The following TBC1D32 variants were observed in gnomAD, a reference collection of about 807,000 sequenced individuals.
TBC1D32 encodes the protein TBC1 domain family member 32.
TBC1D32 carries 151 observed loss-of-function variants against 170.3 expected under a neutral mutation model. That is an observed-to-expected ratio of 0.89 (90% CI 0.78 to 1.01). TBC1D32 has a LOEUF of 1.01. Among genes scored for constraint, TBC1D32 ranks in the 50% least tolerant of loss-of-function variants. The probability of loss-of-function intolerance (pLI) is 0.00; values close to 1 mark genes in which losing one functional copy is unlikely to be tolerated. For synonymous variants in TBC1D32, 498 were observed against 488.0 expected (o/e 1.02, Z -0.27); for missense variants, 1,464 against 1,457.1 (o/e 1.00, Z -0.08).
intron 30 of TBC1D32, among the ~76,000 whole-genome samples, chr6:121,103,595 GA>G (rs1449308117): frequency 5.9e-5 from 6 of 102,062 alleles, no homozygotes; most frequent in Admixed American, 3.0e-4. Context: ...AGGGAGGGGG[GA>G]GGGGGGAGGG....
intron 20 of TBC1D32, among the ~76,000 whole-genome samples, chr6:121,237,739 T>C (rs1264092103): frequency 1.3e-5 from 2 of 152,038 alleles, no homozygotes; most frequent in Admixed American, 6.6e-5. Context: ...TGATTTCTAA[T>C]TTTTTTATTC....
At chr6:121,174,654 G>C (rs953507079) in intron 22 of TBC1D32, among the ~76,000 whole-genome samples, 4 of 152,126 alleles carry the variant, frequency 2.6e-5, no homozygotes, top group Admixed American at 2.6e-4. Context: ...ATTACAAACT[G>C]TAAGAATTTA....
At chr6:121,081,249 A>G (rs1582674680) in intron 31 of TBC1D32, among the ~76,000 whole-genome samples, 1 of 152,326 alleles carries the variant, frequency 6.6e-6, no homozygotes, top group East Asian at 1.9e-4. Context: ...CTACCAAAGG[A>G]TACTATAATA....
chr6:121,221,699 G>A (rs931002252), intron 21 of TBC1D32, among the ~76,000 whole-genome samples: 9 of 152,170 alleles, frequency 5.9e-5, no homozygotes, highest in African/African-American at 2.2e-4. Context: ...AATTAAAAGT[G>A]GAGCCTGAAG....
chr6:121,315,099 A>C (rs1808742357), intron 3 of TBC1D32, among the ~76,000 whole-genome samples: 1 of 152,218 alleles, frequency 6.6e-6, no homozygotes, highest in Non-Finnish European at 1.5e-5. Flanking sequence ...CTTACACCCA[A>C]GCTCTCTCCA....
intron 15 of TBC1D32, among the ~76,000 whole-genome samples, chr6:121,265,093 G>A (rs1316573194): frequency 1.3e-5 from 2 of 152,102 alleles, no homozygotes; most frequent in African/African-American, 2.4e-5. Context: ...CAAATAAAGG[G>A]TATTCAAATA....
rs547515740 is a variant in TBC1D32 at position 121,142,410 on chromosome 6, T to C, written c.2774-10658A>G. On this transcript the variant is annotated intron_variant, in intron 24 of 31. Coordinates refer to ENST00000398212, the MANE Select transcript of TBC1D32 (RefSeq NM_152730.6). ...GAAAAATTACTCTCCTCTTTAAAGA[T>C]AGCAGCCTCAACTGAGTAAATATAC... 3.9e-5 allele frequency among the ~76,000 whole-genome samples: 6 copies of C among 152,330 alleles called. No individual in the cohort carries two copies. The East Asian group carries it at 9.7e-4, about 25-fold the overall frequency.
At chr6:121,176,859 C>T (rs770159105) in intron 22 of TBC1D32, among the ~76,000 whole-genome samples, 1 of 152,092 alleles carries the variant, frequency 6.6e-6, no homozygotes, top group African/African-American at 2.4e-5. Flanking sequence ...CCTCAGCCTC[C>T]CAAAGTGCTG....
Position 121,283,835 on chromosome 6 carries a change from G to A in TBC1D32, c.1448C>T (p.Thr483Ile). The change falls in exon 13 of 32, where the codon ACA becomes ATA. Residue 483 changes from threonine (T) to isoleucine (I), a missense_variant. By Grantham distance (89) the Thr-to-Ile change is moderately conservative (BLOSUM62 -1). This residue lies in a region of TBC1D32 where 1,363 missense variants were observed against 1,338.1 expected (regional missense o/e 1.02). Transcript: ENST00000398212. ...AGAATTACCTGAATGGGCAGCTGAT[G>A]TCATCTTTGGACAACTTGGTGAGTA... Reference protein sequence around the residue: ...IYYSPSCPKMTSAAHSENYSP... With the variant: ...IYYSPSCPKMISAAHSENYSP... 6.2e-7 allele frequency: 1 copy of A among 1,608,764 alleles called. No individual in the cohort carries two copies. Among genetic ancestry groups the A allele is most frequent in the Non-Finnish European group, 8.5e-7 (1 of 1,176,474 alleles).
rs1035073084 is a variant in TBC1D32 at position 121,298,219 on chromosome 6, T to C, written c.1140+1227A>G. Among the ~76,000 whole-genome samples, 8 of 152,216 alleles carry C rather than the reference T, an allele frequency of 5.3e-5. No homozygotes were observed. In the South Asian group the frequency reaches 1.7e-3, roughly 32 times the overall value. ...CTTTTTAGTGCAAATGAGGTTTAAGTTGAAATGTCAAACAAGTTTGACATA... is the reference window on the plus strand; with the variant it reads ...CTTTTTAGTGCAAATGAGGTTTAAGCTGAAATGTCAAACAAGTTTGACATA... On this transcript the variant is annotated intron_variant, in intron 10 of 31. Transcript: ENST00000398212.
intron 24 of TBC1D32, among the ~76,000 whole-genome samples, chr6:121,146,838 T>C (rs1180547090): frequency 6.6e-6 from 1 of 152,176 alleles, no homozygotes; most frequent in Non-Finnish European, 1.5e-5. Flanking sequence ...AATTTTAGAT[T>C]CAGGGGAAAT....
At chr6:121,200,060 G>T (rs2128297985) in intron 22 of TBC1D32, among the ~76,000 whole-genome samples, 1 of 151,298 alleles carries the variant, frequency 6.6e-6, no homozygotes, top group African/African-American at 2.5e-5. Context: ...AATGGCAAAT[G>T]ATTAATTTTA....
intron 29 of TBC1D32, among the ~76,000 whole-genome samples, chr6:121,109,710 G>A (rs926570632): frequency 6.6e-6 from 1 of 151,840 alleles, no homozygotes; most frequent in African/African-American, 2.4e-5. Flanking sequence ...GGGTTCTTCC[G>A]GTGTAAATGA....
intron 30 of TBC1D32, among the ~76,000 whole-genome samples, chr6:121,100,891 A>G (rs138969052): frequency 0.03 from 4,587 of 152,078 alleles, 234 homozygotes; most frequent in African/African-American, 0.1. Flanking sequence ...GCAATAAAAA[A>G]TGATAAAGGG....
At chr6:121,136,239 A>C (rs1031042431) in intron 24 of TBC1D32, among the ~76,000 whole-genome samples, 5 of 152,204 alleles carry the variant, frequency 3.3e-5, no homozygotes, top group Non-Finnish European at 7.3e-5. Context: ...GTAAAAAGAG[A>C]CAAGTGAATG....
intron 20 of TBC1D32, among the ~76,000 whole-genome samples, chr6:121,236,232 T>C (rs1427159524): frequency 1.3e-5 from 2 of 152,018 alleles, no homozygotes; most frequent in Non-Finnish European, 2.9e-5. Context: ...CTTTCTGTAA[T>C]GATAGAAATA....
chr6:121,188,989 TA>T (rs923229324), intron 22 of TBC1D32, among the ~76,000 whole-genome samples: 3 of 152,194 alleles, frequency 2.0e-5, no homozygotes, highest in Non-Finnish European at 2.9e-5. Flanking sequence ...CTGTCTTTTT[TA>T]AAAAATTATT....
At chr6:121,269,438 CA>C (rs1161490879) in intron 15 of TBC1D32, among the ~76,000 whole-genome samples, 1 of 81,258 alleles carries the variant, frequency 1.2e-5, no homozygotes, top group Non-Finnish European at 4.2e-5. Flanking sequence ...AAATGGAAAA[CA>C]AAAAAAAGCA....
chr6:121,275,245 A>G (rs1395539362), intron 15 of TBC1D32, among the ~76,000 whole-genome samples: 1 of 152,212 alleles, frequency 6.6e-6, no homozygotes, highest in African/African-American at 2.4e-5. Flanking sequence ...GCTAAAAGAA[A>G]TTATATGCAC....
Sources: gnomAD v4.1 joint callset for allele counts (sites outside exome capture counted in the v4.1 genomes callset) on GRCh38, gnomAD v4.1.1 for gene constraint, gnomAD v4.1.1 regional missense constraint, MANE v1.5 for transcripts, NCBI Gene and HGNC (gene_info 2026-07-23, HGNC 2026-07-21) for gene names.